Variants in NAALADL2 observed in about 807,000 individuals in gnomAD.
NAALADL2 encodes N-acetylated alpha-linked acidic dipeptidase like 2, also known as inactive N-acetylated-alpha-linked acidic dipeptidase-like protein 2.
NAALADL2 carries 76 observed loss-of-function variants against 87.2 expected under a neutral mutation model. That is an observed-to-expected ratio of 0.87 (90% CI 0.72 to 1.05). The LOEUF (loss-of-function observed/expected upper bound fraction) is 1.05, where lower values mean the gene tolerates loss of function less well. NAALADL2 is among the 50% of genes least tolerant of loss of function. The pLI, the probability that NAALADL2 is intolerant of heterozygous loss-of-function variation, is 0.00. For missense variants in NAALADL2, 1,089 were observed against 945.8 expected, an observed-to-expected ratio of 1.15 and a Z score of -1.99; for synonymous variants, 354 against 331.0, an observed-to-expected ratio of 1.07 and a Z score of -0.75.
intron 1 of NAALADL2, among the ~76,000 whole-genome samples, chr3:174,973,145 A>G (rs953410453): frequency 2.6e-5 from 4 of 152,204 alleles, no homozygotes; most frequent in East Asian, 1.9e-4. Flanking sequence ...TTATAAAGGT[A>G]TAAGTATCTT....
chr3:175,510,046 G>C (rs966060262), intron 9 of NAALADL2, among the ~76,000 whole-genome samples: 3 of 137,342 alleles, frequency 2.2e-5, no homozygotes, highest in African/African-American at 8.4e-5. Flanking sequence ...TCCTCTTCCT[G>C]TGTCCATGTG....
intron 11 of NAALADL2, among the ~76,000 whole-genome samples, chr3:175,641,605 C>T (rs556561823): frequency 3.3e-5 from 5 of 152,266 alleles, no homozygotes; most frequent in Middle Eastern, 3.4e-3. Context: ...CTACTCCAAC[C>T]GTGATTTATT....
chr3:175,733,224 A>T (rs559503013), intron 11 of NAALADL2, among the ~76,000 whole-genome samples: 1 of 152,352 alleles, frequency 6.6e-6, no homozygotes, highest in Non-Finnish European at 1.5e-5. Flanking sequence ...CACACTGCTG[A>T]TAAAGACATA....
At chr3:175,434,121 AC>A (rs2149173063) in intron 5 of NAALADL2, among the ~76,000 whole-genome samples, 1 of 152,116 alleles carries the variant, frequency 6.6e-6, no homozygotes, top group African/African-American at 2.4e-5. Context: ...AATCTTTTAC[AC>A]TATCCATTTC....
intron 1 of NAALADL2, among the ~76,000 whole-genome samples, chr3:174,931,807 A>G (rs1321584988): frequency 1.3e-5 from 2 of 152,192 alleles, no homozygotes; most frequent in Non-Finnish European, 2.9e-5. Flanking sequence ...GGTTGACTAG[A>G]TCCTATGGTG....
At chr3:175,017,186 A>G (rs1750942105) in intron 1 of NAALADL2, among the ~76,000 whole-genome samples, 1 of 151,646 alleles carries the variant, frequency 6.6e-6, no homozygotes, top group African/African-American at 2.4e-5. Flanking sequence ...TTTCCCTCAC[A>G]TTGCTTTTCA....
chr3:175,510,129 T>C (rs1171853934), intron 9 of NAALADL2, among the ~76,000 whole-genome samples: 2 of 151,944 alleles, frequency 1.3e-5, no homozygotes, highest in African/African-American at 4.8e-5. Context: ...GATAGTTTAC[T>C]GAGAATGATG....
intron 5 of NAALADL2, among the ~76,000 whole-genome samples, chr3:175,328,281 T>C (rs566308198): frequency 4.7e-4 from 72 of 152,304 alleles, no homozygotes; most frequent in Non-Finnish European, 7.8e-4. Flanking sequence ...CTGAAACACT[T>C]TGAGTTCCTT....
intron 2 of NAALADL2, among the ~76,000 whole-genome samples, chr3:174,673,945 TA>T (rs59457199): frequency 0.68 from 102,644 of 151,556 alleles, 35,422 homozygotes; most frequent in Admixed American, 0.76. Context: ...TATGTATTAA[TA>T]AAAAAAAATT....
intron 3 of NAALADL2, among the ~76,000 whole-genome samples, chr3:174,852,827 C>T (rs1338652839): frequency 6.6e-6 from 1 of 152,010 alleles, no homozygotes; most frequent in Non-Finnish European, 1.5e-5. Context: ...TATAAGGCTA[C>T]AGCAACAGCA....
intron 1 of NAALADL2, among the ~76,000 whole-genome samples, chr3:174,526,951 C>T (rs1560031880): frequency 6.6e-6 from 1 of 152,102 alleles, no homozygotes; most frequent in Non-Finnish European, 1.5e-5. Flanking sequence ...GCTGGGATTA[C>T]AGGCATGAGC....
intron 3 of NAALADL2, among the ~76,000 whole-genome samples, chr3:174,804,002 G>T (rs1719160432): frequency 6.6e-6 from 1 of 152,092 alleles, no homozygotes; most frequent in Admixed American, 6.6e-5. Context: ...CTAATTCTGT[G>T]AAGAAAGTCA....
At chr3:175,365,668 T>C (rs1239200623) in intron 5 of NAALADL2, among the ~76,000 whole-genome samples, 5 of 146,876 alleles carry the variant, frequency 3.4e-5, no homozygotes, top group Admixed American at 7.0e-5. Flanking sequence ...TACTTTTGAG[T>C]GTGATGAGAT....
At chr3:175,792,488 TC>T (rs1386408128) in intron 13 of NAALADL2, among the ~76,000 whole-genome samples, 17 of 152,298 alleles carry the variant, frequency 1.1e-4, no homozygotes, top group African/African-American at 3.6e-4. Flanking sequence ...GTTCAAATCA[TC>T]TTGAATACTT....
intron 2 of NAALADL2, among the ~76,000 whole-genome samples, chr3:175,215,203 A>G (rs944005829): frequency 1.3e-5 from 2 of 152,144 alleles, no homozygotes; most frequent in African/African-American, 4.8e-5. Context: ...TTCTGATGCT[A>G]CTGTTTTTCA....
chr3:174,543,794 G>A (rs1722480780), intron 1 of NAALADL2, among the ~76,000 whole-genome samples: 2 of 152,184 alleles, frequency 1.3e-5, no homozygotes, highest in South Asian at 4.2e-4. Flanking sequence ...GATCACTTGA[G>A]GCCAGGCGTT....
At chr3:175,232,230 G>GGAA (rs1491446567) in intron 2 of NAALADL2, among the ~76,000 whole-genome samples, 26,391 of 71,656 alleles carry the variant, frequency 0.37, 2,509 homozygotes, top group East Asian at 0.48. Flanking sequence ...AAGAAGAAGA[G>GGAA]GAAGAGGAAG....
chr3:175,627,321 T>G lies in NAALADL2; in HGVS notation c.1831T>G (p.Ser611Ala). The G allele has an allele frequency of 6.4e-7, 1 of 1,571,818 alleles. No homozygotes were observed. The highest frequency in any genetic ancestry group is 8.7e-7 in the Non-Finnish European group (1 of 1,155,956). Residue 611 changes from serine to alanine, a missense_variant, in exon 11 of 14, where the codon TCT (serine) becomes GCT (alanine). Coordinates refer to ENST00000454872, the MANE Select transcript of NAALADL2 (RefSeq NM_207015.3). ...AAGTTTTCTCTCCGAGGCCCGTTTT[T>G]CTACACGAGCAACAAAAATTGAAGA... The part of the protein sequence containing the change: ...GPSFLSEARF[S>A]TRATKIEEMD...
intron 1 of NAALADL2, among the ~76,000 whole-genome samples, chr3:175,095,073 TTTTCC>T (rs1720891090): frequency 6.6e-6 from 1 of 151,994 alleles, no homozygotes; most frequent in South Asian, 2.1e-4. Flanking sequence ...TTTCCTAGTT[TTTTCC>T]TCAGCATCTT....
Sources: gnomAD v4.1 joint callset for allele counts (sites outside exome capture counted in the v4.1 genomes callset) on GRCh38, gnomAD v4.1.1 for gene constraint, MANE v1.5 for transcripts, NCBI Gene and HGNC (gene_info 2026-07-23, HGNC 2026-07-21) for gene names.